Variants in MCM6 observed in about 807,000 individuals in gnomAD.
MCM6 encodes minichromosome maintenance complex component 6, also known as DNA replication licensing factor MCM6.
A neutral mutation model predicts 94.3 loss-of-function variants in MCM6; 46 were observed. That is an observed-to-expected ratio of 0.49 (90% CI 0.39 to 0.62). The LOEUF is 0.62. Among genes scored for constraint, MCM6 ranks in the 20% least tolerant of loss-of-function variants. The pLI, the probability that MCM6 is intolerant of heterozygous loss-of-function variation, is 0.00. For missense variants in MCM6, 865 were observed against 1,017.9 expected (o/e 0.85, Z 2.04); for synonymous variants, 335 against 351.9 (o/e 0.95, Z 0.54).
At chr2:135,842,511 G>A (rs1679593985) in intron 16 of MCM6, among the ~76,000 whole-genome samples, 1 of 152,120 alleles carries the variant, frequency 6.6e-6, no homozygotes, top group Admixed American at 6.6e-5. Flanking sequence ...TAGCTCCGGG[G>A]CAAAGTCTCT....
At chr2:135,852,509 G>T (rs552694137) in intron 12 of MCM6, among the ~76,000 whole-genome samples, 1 of 152,232 alleles carries the variant, frequency 6.6e-6, no homozygotes, top group South Asian at 2.1e-4. Flanking sequence ...TGAAATAAAA[G>T]AATGTTCTAG....
chr2:135,859,210 G>A, intron 9 of MCM6, 91 bp downstream of exon 9: 2 of 1,090,134 alleles, frequency 1.8e-6, no homozygotes, highest in South Asian at 1.6e-5. Flanking sequence ...CTGTTTTTAA[G>A]GACATCTTTT....
intron 3 of MCM6, among the ~76,000 whole-genome samples, chr2:135,869,756 C>T (rs1446841531): frequency 6.6e-6 from 1 of 152,080 alleles, no homozygotes; most frequent in Non-Finnish European, 1.5e-5. Context: ...CTCCCTTGAT[C>T]AATTTTCTCC....
intron 7 of MCM6, among the ~76,000 whole-genome samples, chr2:135,864,448 T>C (rs1257144967): frequency 1.3e-5 from 2 of 151,698 alleles, no homozygotes; most frequent in Non-Finnish European, 2.9e-5. Context: ...CTAGACAACA[T>C]AGCAAAACCC....
At chr2:135,867,480 A>T (rs1680112807) in intron 4 of MCM6, among the ~76,000 whole-genome samples, 1 of 152,202 alleles carries the variant, frequency 6.6e-6, no homozygotes, top group African/African-American at 2.4e-5. Context: ...AGGTTAATGT[A>T]AGAAAGCCAA....
intron 12 of MCM6, chr2:135,852,002 G>C (rs1231461762): frequency 6.5e-6 from 1 of 154,096 alleles, no homozygotes; most frequent in Non-Finnish European, 1.4e-5. Context: ...CAGCTTTTCA[G>C]AGCAAGGAAT....
chr2:135,870,738 G>C (rs115624917), intron 2 of MCM6, among the ~76,000 whole-genome samples: 2,254 of 152,256 alleles, frequency 0.015, 56 homozygotes, highest in African/African-American at 0.052. Flanking sequence ...CATGTGTCAA[G>C]TCAGTCAATT....
intron 16 of MCM6, among the ~76,000 whole-genome samples, chr2:135,841,816 T>C (rs573411727): frequency 6.6e-6 from 1 of 152,212 alleles, no homozygotes; most frequent in Non-Finnish European, 1.5e-5. Context: ...TTTTAAAAGG[T>C]AATCCAGGCT....
At position 135,839,775 on chromosome 2, in the gene MCM6, ATC is replaced by A. The variant is rs942061836; in HGVS notation, c.*1058_*1059del. 6.6e-5 allele frequency: 10 copies of A among 152,364 alleles called. No individual in the cohort carries two copies. Among genetic ancestry groups the A allele is most frequent in the African/African-American group, 2.4e-4 (10 of 41,596 alleles). The allele number at this position is 152,364 out of a possible 1,614,324, so 9.4% of individuals were successfully genotyped here. On this transcript the variant is annotated 3_prime_UTR_variant, in exon 17 of 17. Transcript: ENST00000264156. ...TAAATCATTGTTTTAACCTATATTA[ATC>A]TGTCTTGCTTTCTACTAATAGATTT...
At chr2:135,873,852 G>A (rs1680248683) in intron 1 of MCM6, among the ~76,000 whole-genome samples, 1 of 152,138 alleles carries the variant, frequency 6.6e-6, no homozygotes, top group African/African-American at 2.4e-5. Flanking sequence ...ACAACTACAA[G>A]TTATACATAT....
intron 11 of MCM6, among the ~76,000 whole-genome samples, chr2:135,853,895 T>C (rs1679821440): frequency 6.6e-6 from 1 of 152,242 alleles, no homozygotes; most frequent in East Asian, 1.9e-4. Context: ...ATTCCATTTC[T>C]TGCAACTTTT....
At chr2:135,856,133 T>C (rs1053133685) in intron 11 of MCM6, among the ~76,000 whole-genome samples, 1 of 152,084 alleles carries the variant, frequency 6.6e-6, no homozygotes, top group African/African-American at 2.4e-5. Context: ...CAAAAAATTG[T>C]ATAAAAATCT....
intron 16 of MCM6, among the ~76,000 whole-genome samples, 182 bp from the exon 17 acceptor site, chr2:135,841,133 T>A (rs758306029): frequency 6.6e-6 from 1 of 152,208 alleles, no homozygotes; most frequent in Non-Finnish European, 1.5e-5. Context: ...TAAACCCTGT[T>A]CCTAGTAGGA....
Position 135,866,194 on chromosome 2 carries a change from C to T in MCM6, c.865G>A (p.Val289Ile), listed in dbSNP as rs920088721. 1 of 1,614,188 alleles carries T rather than the reference C, an allele frequency of 6.2e-7. No homozygotes were observed. Among genetic ancestry groups the T allele is most frequent in the South Asian group, 1.1e-5 (1 of 91,076 alleles). ...EGIRGLRALG[V>I]RDLSYRLVFL... ...ACCAGCCTATAAGAAAGGTCCCTAACACCAAGGGCCCGGAGTCCTCGAATG... is the reference window on the plus strand; with the variant it reads ...ACCAGCCTATAAGAAAGGTCCCTAATACCAAGGGCCCGGAGTCCTCGAATG... The change falls in exon 6 of 17, where the codon GTT (valine) becomes ATT (isoleucine). Residue 289 changes from valine (V) to isoleucine (I), a missense_variant. Around this residue, in one of 3 missense-constraint regions of MCM6, gnomAD observed 404 missense variants for 451.9 expected, o/e 0.89. Transcript: ENST00000264156.
In MCM6 at chr2:135,844,547, A is replaced by T; in HGVS notation, c.2347T>A (p.Tyr783Asn). The change falls in exon 16 of 17, where the codon TAT becomes AAT. Residue 783 changes from tyrosine to asparagine, a missense_variant and splice_region_variant. Tyr to Asn is a moderately radical substitution (Grantham distance 143, BLOSUM62 -2). Around this residue, in one of 3 missense-constraint regions of MCM6, gnomAD observed 308 missense variants for 324.5 expected, o/e 0.95. Coordinates refer to ENST00000264156, the MANE Select transcript of MCM6 (RefSeq NM_005915.6). ...AGCACGCGCACTTCTGCACCTACAT[A>T]GTGTGTGAGTCGATGAATAACTTTC... Reference protein sequence around the residue: ...IEKVIHRLTHYDHVLIELTQA... With the variant: ...IEKVIHRLTHNDHVLIELTQA... 1 of 1,558,878 alleles carries T rather than the reference A, an allele frequency of 6.4e-7. No homozygotes were observed. The highest frequency in any genetic ancestry group is 8.7e-7 in the Non-Finnish European group (1 of 1,154,986).
intron 11 of MCM6, among the ~76,000 whole-genome samples, chr2:135,854,766 G>C (rs562565321): frequency 6.6e-6 from 1 of 151,622 alleles, no homozygotes; most frequent in South Asian, 2.1e-4. Flanking sequence ...CCAGCTACTC[G>C]GGAGGCTGAG....
At position 135,862,601 on chromosome 2, in the gene MCM6, G is replaced by A. The variant is rs774859032; in HGVS notation, c.1220+6C>T. On this transcript the variant is annotated splice_donor_region_variant and intron_variant, in intron 8 of 16. Transcript: ENST00000264156. ...TCCTGCAACACTGTATCAGGCAAAC[G>A]CTTACTTGAGAAATTGGCTCTTAGC... 4.5e-5 allele frequency: 72 copies of A among 1,613,854 alleles called. No individual in the cohort carries two copies. The highest frequency in any genetic ancestry group is 8.3e-5 in the Admixed American group (5 of 59,980).
intron 13 of MCM6, 74 bp from the exon 14 acceptor site, chr2:135,848,262 C>G (rs56229434): frequency 1.8e-5 from 20 of 1,127,746 alleles, no homozygotes; most frequent in African/African-American, 3.1e-5. Flanking sequence ...AATGAAATCA[C>G]AGTAGTATGT....
chr2:135,860,813 C>G (rs183862036), intron 8 of MCM6, among the ~76,000 whole-genome samples: 41 of 152,234 alleles, frequency 2.7e-4, no homozygotes, highest in Non-Finnish European at 2.9e-5. Flanking sequence ...CCCCTAAGAT[C>G]AGGAATAAGA....
Sources: gnomAD v4.1 joint callset for allele counts (sites outside exome capture counted in the v4.1 genomes callset) on GRCh38, gnomAD v4.1.1 for gene constraint, gnomAD v4.1.1 regional missense constraint, MANE v1.5 for transcripts, NCBI Gene and HGNC (gene_info 2026-07-23, HGNC 2026-07-21) for gene names.